MIF4GD: variants seen among roughly 807,000 people sequenced by gnomAD.
MIF4GD encodes MIF4G domain-containing protein.
MIF4GD carries 22 observed loss-of-function variants against 26.7 expected under a neutral mutation model. The ratio of observed to expected loss-of-function variants is 0.82; its 90% CI spans 0.59 to 1.18. The LOEUF (loss-of-function observed/expected upper bound fraction) is 1.18, where lower values mean the gene tolerates loss of function less well. Among genes scored for constraint, MIF4GD ranks in the 50% most tolerant of loss-of-function variants. The pLI, the probability that MIF4GD is intolerant of heterozygous loss-of-function variation, is 0.00. For missense variants in MIF4GD, 262 were observed against 279.6 expected, an observed-to-expected ratio of 0.94 and a Z score of 0.45; for synonymous variants, 137 against 111.6, an observed-to-expected ratio of 1.23 and a Z score of -1.43.
chr17:75,269,355 T>G, intron 2 of MIF4GD: 2 of 1,614,048 alleles, frequency 1.2e-6, no homozygotes, highest in Non-Finnish European at 1.7e-6. Flanking sequence ...ACCTCTGTAC[T>G]GCGTGTTACA....
rs2077724390 is a variant in MIF4GD, at chr17:75,271,154, G to C, written c.-61C>G. On this transcript the variant is annotated 5_prime_UTR_variant, in exon 1 of 6. Coordinates refer to ENST00000325102, the MANE Select transcript of MIF4GD (RefSeq NM_001370592.1). This position sits in a 1 kb window ranked among gnomAD's most constrained non-coding sequence, Gnocchi z 4.2. ...GGAGCCGGGACCCACCTGCCGGGCC[G>C]GTGGCGCGCGCGCGTGCCCGGGGCC... 6.7e-6 allele frequency: 1 copy of C among 148,840 alleles called. No homozygotes were observed. Among genetic ancestry groups the C allele is most frequent in the South Asian group, 2.1e-4 (1 of 4,824 alleles). 9.2% of individuals were successfully genotyped at this position (148,840 alleles called of 1,614,324 possible).
At chr17:75,267,696 CTCAGG>C in intron 4 of MIF4GD, 45 bp downstream of exon 4, 1 of 1,612,378 alleles carries the variant, frequency 6.2e-7, no homozygotes, top group Non-Finnish European at 8.5e-7. Flanking sequence ...CAACCTGGGC[CTCAGG>C]AAACAGGCCA....
In MIF4GD at chr17:75,267,867, C is replaced by T; in HGVS notation, c.227G>A (p.Arg76Gln). The T allele has an allele frequency of 1.9e-6, 3 of 1,613,664 alleles. No homozygotes were observed. Among genetic ancestry groups the T allele is most frequent in the Non-Finnish European group, 2.5e-6 (3 of 1,179,930 alleles). Reference protein sequence around the residue: ...ESKQAGQSVFRRGLLNRLQQE... With the variant: ...ESKQAGQSVFQRGLLNRLQQE... ...CTGCAGCCGGTTGAGGAGTCCACGT[C>T]GGAAGACACTCTGGCCTGCTTGTTT... The change falls in exon 4 of 6, where the codon CGA becomes CAA. Residue 76 changes from arginine (R) to glutamine (Q), a missense_variant. Physicochemically the swap from Arg to Gln is conservative, Grantham distance 43. Transcript: ENST00000325102.
chr17:75,267,861 C>A lies in MIF4GD; in HGVS notation c.233G>T (p.Gly78Val), dbSNP rs2077557355. 1 of 1,613,748 alleles carries A rather than the reference C, an allele frequency of 6.2e-7. No individual in the cohort carries two copies. The highest frequency in any genetic ancestry group is 1.3e-5 in the African/African-American group (1 of 74,950). Residue 78 changes from glycine to valine, a missense_variant, in exon 4 of 6, where the codon GGA (glycine) becomes GTA (valine). Transcript: ENST00000325102. ...KQAGQSVFRR[G>V]LLNRLQQEYQ... ...CTCCTGCTGCAGCCGGTTGAGGAGT[C>A]CACGTCGGAAGACACTCTGGCCTGC...
intron 5 of MIF4GD, 48 bp downstream of exon 5, chr17:75,267,490 G>T: frequency 1.9e-6 from 3 of 1,581,324 alleles, no homozygotes; most frequent in South Asian, 2.2e-5. Context: ...GAGCTGGACT[G>T]TCCATCCTGC....
chr17:75,269,420 T>G, intron 2 of MIF4GD: 2 of 1,614,108 alleles, frequency 1.2e-6, no homozygotes, highest in Non-Finnish European at 1.7e-6. Context: ...AAACGGAATA[T>G]TCTCCATCTT....
chr17:75,269,732 C>CT (rs1567825408), intron 2 of MIF4GD, among the ~76,000 whole-genome samples: 2 of 37,340 alleles, frequency 5.4e-5, no homozygotes, highest in African/African-American at 6.1e-5. Context: ...GCTAATTTTT[C>CT]TTTTCTTTCT....
Position 75,267,764 on chromosome 17 carries a change from G to C in MIF4GD, c.330C>G (p.Asn110Lys). ...GWVCYVTFICNIFDYLRVNNM... is the reference protein window; with the variant it reads ...GWVCYVTFICKIFDYLRVNNM... ...GCCTCACCCTCAGGTAGTCAAAGAT[G>C]TTGCAGATAAAGGTGACATAGCAGA... is the stretch of plus-strand genomic sequence containing the variant. The change falls in exon 4 of 6, where the codon AAC becomes AAG. Residue 110 changes from asparagine (N) to lysine (K), a missense_variant. Coordinates refer to ENST00000325102, the MANE Select transcript of MIF4GD (RefSeq NM_001370592.1). 6.2e-7 allele frequency: 1 copy of C among 1,613,676 alleles called. No homozygotes were observed. The highest frequency in any genetic ancestry group is 8.5e-7 in the Non-Finnish European group (1 of 1,179,748).
chr17:75,268,671 CAA>C (rs1192409186), intron 2 of MIF4GD, among the ~76,000 whole-genome samples: 5 of 47,848 alleles, frequency 1.0e-4, no homozygotes, highest in Non-Finnish European at 2.3e-4. Flanking sequence ...GACTCCGTCT[CAA>C]AAAAAAAAAA....
intron 5 of MIF4GD, among the ~76,000 whole-genome samples, chr17:75,267,185 C>CTT (rs1567820713): frequency 6.6e-6 from 1 of 151,450 alleles, no homozygotes; most frequent in East Asian, 2.0e-4. Context: ...AAGCCTGTCT[C>CTT]CAAACCACTT....
intron 5 of MIF4GD, 86 bp downstream of exon 5, chr17:75,267,452 T>G (rs763736079): frequency 1.5e-6 from 2 of 1,345,828 alleles, no homozygotes; most frequent in Admixed American, 3.4e-5. Flanking sequence ...CTCAGAGACC[T>G]CCGTGAGCAG....
At position 75,266,836 on chromosome 17, in the gene MIF4GD, G is replaced by A; in HGVS notation, c.573C>T (p.Ala191=). 6.2e-7 allele frequency: 1 copy of A among 1,614,172 alleles called. No homozygotes were observed. The highest frequency in any genetic ancestry group is 8.5e-7 in the Non-Finnish European group (1 of 1,180,032). The change falls in exon 6 of 6, where the codon GCC becomes GCT. Residue 191 remains alanine (A), a synonymous_variant. Transcript: ENST00000325102. ...CAATGATCTCCAGCAGCAGCAGCTG[G>A]GCCAGGGAGCTGAGGCCAGTTGGGA... The part of the protein sequence containing the change: ...FLLPTGLSSL[A]QLLLLEIIEF...
chr17:75,270,238 G>A lies in MIF4GD; in HGVS notation c.-43C>T. The A allele has an allele frequency of 6.5e-7, 1 of 1,538,820 alleles. No individual in the cohort carries two copies. The highest frequency in any genetic ancestry group is 2.2e-5 in the East Asian group (1 of 44,456). ...AGCTCTTGACTGGGCTGGGAATAAG[G>A]ACAGCACCTGAGGAGAAGAGGCGAA... On this transcript the variant is annotated 5_prime_UTR_variant, in exon 2 of 6. Transcript: ENST00000325102. The surrounding 1 kb of genome is among the most constrained non-coding windows in gnomAD (Gnocchi z 5.7).
chr17:75,267,931 TG>T, intron 3 of MIF4GD, 30 bp from the exon 4 acceptor site: 8 of 1,603,452 alleles, frequency 5.0e-6, no homozygotes, highest in Non-Finnish European at 4.3e-6. Flanking sequence ...AGGTGAAGGG[TG>T]GGGGGCGGTG....
chr17:75,267,930 G>T, intron 3 of MIF4GD, 29 bp from the exon 4 acceptor site: 2 of 1,603,882 alleles, frequency 1.2e-6, no homozygotes, highest in Non-Finnish European at 1.7e-6. Context: ...AAGGTGAAGG[G>T]TGGGGGGCGG....
At chr17:75,267,969 C>G (rs889796965) in intron 3 of MIF4GD, 68 bp from the exon 4 acceptor site, 2 of 1,560,414 alleles carry the variant, frequency 1.3e-6, no homozygotes, top group East Asian at 4.5e-5. Context: ...CATCCTATGC[C>G]TCTCTCTCTC....
intron 2 of MIF4GD, 152 bp from the exon 3 acceptor site, chr17:75,268,344 G>A (rs2077581474): frequency 1.5e-6 from 1 of 669,478 alleles, no homozygotes; most frequent in Non-Finnish European, 2.7e-6. Flanking sequence ...GGCTCCAGTG[G>A]TGCAATTGGT....
In MIF4GD at chr17:75,266,922, C is replaced by T. The variant is rs776926700; in HGVS notation, c.487G>A (p.Glu163Lys). 1 of 1,614,158 alleles carries T rather than the reference C, an allele frequency of 6.2e-7. No individual in the cohort carries two copies. Among genetic ancestry groups the T allele is most frequent in the South Asian group, 1.1e-5 (1 of 91,074 alleles). ...TCCATGCGCTGCCCATTCATTTTCT[C>T]CAGCTGCTCCCCAACCCGGTGCAGC... ...LQLHRVGEQL[E>K]KMNGQRMDEL... Residue 163 changes from glutamate (E) to lysine (K), a missense_variant, in exon 6 of 6, where the codon GAG becomes AAG. Glu to Lys is a moderately conservative substitution (Grantham distance 56). Coordinates refer to ENST00000325102, the MANE Select transcript of MIF4GD (RefSeq NM_001370592.1).
chr17:75,267,422 G>A, intron 5 of MIF4GD, 116 bp downstream of exon 5: 1 of 1,026,742 alleles, frequency 9.7e-7, no homozygotes. Flanking sequence ...CCACAGTCCT[G>A]CCCCAGAAGT....
Sources: allele counts gnomAD v4.1 joint callset (sites outside exome capture counted in the v4.1 genomes callset), GRCh38; gene constraint gnomAD v4.1.1; non-coding constraint Gnocchi (gnomAD v3.1); transcripts MANE v1.5; gene names NCBI Gene and HGNC (gene_info 2026-07-23, HGNC 2026-07-21).